Variants in IPO11 observed in about 807,000 individuals in gnomAD.
The protein encoded by IPO11 is importin-11.
IPO11 carries 66 observed loss-of-function variants against 143.2 expected under a neutral mutation model. The observed-to-expected ratio is 0.46, with a 90% CI of 0.38 to 0.57. IPO11 has a LOEUF of 0.57. Ranked by LOEUF, IPO11 falls within the 20% of genes least tolerant of loss-of-function variation. IPO11 has a pLI of 0.00. For missense variants in IPO11, 1,026 were observed against 1,141.0 expected, an observed-to-expected ratio of 0.90 and a Z score of 1.45; for synonymous variants, 385 against 377.8, an observed-to-expected ratio of 1.02 and a Z score of -0.22.
chr5:62,443,195 A>G (rs914865292), intron 3 of IPO11, 112 bp downstream of exon 3: 9 of 585,070 alleles, frequency 1.5e-5, no homozygotes, highest in Admixed American at 7.1e-5. Flanking sequence ...TCTGCAGCAC[A>G]TATACTAAAA....
At chr5:62,625,574 TTC>T (rs1395900274) in intron 29 of IPO11, among the ~76,000 whole-genome samples, 1 of 152,236 alleles carries the variant, frequency 6.6e-6, no homozygotes, top group Non-Finnish European at 1.5e-5. Flanking sequence ...ATGGAAATAC[TTC>T]TTAAATGATC....
intron 26 of IPO11, among the ~76,000 whole-genome samples, chr5:62,559,941 A>AG (rs1409057230): frequency 6.7e-5 from 8 of 119,270 alleles, no homozygotes; most frequent in Admixed American, 1.7e-4. Context: ...AAAAAAAAAA[A>AG]AGAGAGAGAA....
At position 62,580,928 on chromosome 5, in the gene IPO11, A is replaced by T. The variant is rs1478280693; in HGVS notation, c.2583-10649A>T. The T allele has an allele frequency of 3.0e-5, 47 of 1,551,134 alleles. No individual in the cohort carries two copies. Among genetic ancestry groups the T allele is most frequent in the Non-Finnish European group, 3.5e-5 (40 of 1,146,764 alleles). ...ACTACTTCTGTTACCTTGAACTTGGAAAAAAACAGTGCTCTACCGAATGAT... is the reference window on the plus strand; with the variant it reads ...ACTACTTCTGTTACCTTGAACTTGGTAAAAAACAGTGCTCTACCGAATGAT... On this transcript the variant is annotated intron_variant, in intron 27 of 29. Coordinates refer to ENST00000325324, the MANE Select transcript of IPO11 (RefSeq NM_016338.5).
At chr5:62,561,506 T>C (rs1242518424) in intron 27 of IPO11, among the ~76,000 whole-genome samples, 2 of 152,056 alleles carry the variant, frequency 1.3e-5, no homozygotes, top group Non-Finnish European at 2.9e-5. Context: ...TTTATTTCAT[T>C]CTTGTCTGAA....
chr5:62,535,051 ATTTG>A (rs1410306078), intron 22 of IPO11, among the ~76,000 whole-genome samples: 1 of 150,042 alleles, frequency 6.7e-6, no homozygotes, highest in African/African-American at 2.5e-5. Flanking sequence ...TTATTTATTT[ATTTG>A]ATGATGATAA....
At chr5:62,607,034 T>C (rs919750820) in intron 29 of IPO11, among the ~76,000 whole-genome samples, 3 of 152,222 alleles carry the variant, frequency 2.0e-5, no homozygotes, top group African/African-American at 7.2e-5. Context: ...AATACTGTAC[T>C]GGCTCAAGGA....
intron 2 of IPO11, among the ~76,000 whole-genome samples, chr5:62,440,176 A>G (rs1480087102): frequency 2.0e-5 from 3 of 152,292 alleles, no homozygotes; most frequent in South Asian, 2.1e-4. Flanking sequence ...AATGTGATTA[A>G]TGTGGTAAAA....
intron 27 of IPO11, among the ~76,000 whole-genome samples, chr5:62,574,216 C>T (rs1423763300): frequency 6.6e-6 from 1 of 152,102 alleles, no homozygotes; most frequent in Non-Finnish European, 1.5e-5. Context: ...AATAATTTCA[C>T]AAAGGTTATT....
chr5:62,621,879 T>TA (rs913808965), intron 29 of IPO11, among the ~76,000 whole-genome samples: 67 of 147,506 alleles, frequency 4.5e-4, no homozygotes, highest in Admixed American at 1.0e-3. Flanking sequence ...AAACAATGAT[T>TA]AAAAAAAAAA....
At chr5:62,443,668 G>C (rs1295629351) in intron 3 of IPO11, among the ~76,000 whole-genome samples, 1 of 151,916 alleles carries the variant, frequency 6.6e-6, no homozygotes, top group African/African-American at 2.4e-5. Flanking sequence ...GAAATCCCAG[G>C]TCAACTCTGA....
intron 16 of IPO11, among the ~76,000 whole-genome samples, chr5:62,501,238 A>G (rs188318617): frequency 1.3e-5 from 2 of 151,554 alleles, no homozygotes; most frequent in East Asian, 3.9e-4. Context: ...TTTTCTATTT[A>G]CCTATCCTTT....
chr5:62,553,080 T>A (rs1404268026), intron 26 of IPO11, among the ~76,000 whole-genome samples: 1 of 152,192 alleles, frequency 6.6e-6, no homozygotes, highest in Non-Finnish European at 1.5e-5. Context: ...GATTTTTTTA[T>A]CTTTTAACCA....
chr5:62,580,586 T>G, intron 27 of IPO11: 1 of 1,551,458 alleles, frequency 6.4e-7, no homozygotes, highest in Non-Finnish European at 8.7e-7. Context: ...ACTCTAAACA[T>G]CTATTGTCAG....
intron 29 of IPO11, among the ~76,000 whole-genome samples, chr5:62,613,964 TTTAA>T (rs1455178051): frequency 1.3e-5 from 2 of 152,190 alleles, no homozygotes; most frequent in African/African-American, 2.4e-5. Context: ...TCCTAGCCAC[TTTAA>T]TTAATTTTTG....
intron 1 of IPO11, among the ~76,000 whole-genome samples, chr5:62,416,382 A>G (rs1294871108): frequency 1.3e-5 from 2 of 151,216 alleles, no homozygotes; most frequent in South Asian, 2.1e-4. Context: ...GGGTTTCACC[A>G]TGTTGTCCAG....
intron 3 of IPO11, among the ~76,000 whole-genome samples, chr5:62,444,077 T>G (rs1475188787): frequency 1.3e-5 from 2 of 151,846 alleles, no homozygotes; most frequent in Admixed American, 1.3e-4. Context: ...TATTACGGTT[T>G]AAAGCAGACA....
chr5:62,475,569 C>T (rs979893140), intron 8 of IPO11, among the ~76,000 whole-genome samples: 5 of 152,168 alleles, frequency 3.3e-5, no homozygotes, highest in Non-Finnish European at 5.9e-5. Context: ...TGCAGCTACC[C>T]CTTTCCAGGC....
In IPO11 at chr5:62,627,377, C is replaced by A; in HGVS notation, c.*59C>A. On this transcript the variant is annotated 3_prime_UTR_variant, in exon 30 of 30. Transcript: ENST00000325324. The stretch of plus-strand genomic sequence containing the variant: ...AAACAAGCTGAGTAACCCAGCCTGC[C>A]GTTTGTATGTGAGAGCCTGCTGAGA... The A allele has an allele frequency of 6.6e-7, 1 of 1,516,194 alleles. No individual in the cohort carries two copies. The highest frequency in any genetic ancestry group is 1.3e-5 in the South Asian group (1 of 79,176). 93.9% of individuals were successfully genotyped at this position (1,516,194 alleles called of 1,614,324 possible).
Position 62,427,533 on chromosome 5 carries a change from A to T in IPO11, c.-6-9741A>T, listed in dbSNP as rs576405352. On this transcript the variant is annotated intron_variant, in intron 1 of 29. Transcript: ENST00000325324. Reference sequence around the variant, plus strand: ...GCTAGGAACTGGGCCACACTGCAGGAGGTGAGCAGTGGGTGGAGAGTGAGC... The same window carrying T: ...GCTAGGAACTGGGCCACACTGCAGGTGGTGAGCAGTGGGTGGAGAGTGAGC... Among the ~76,000 whole-genome samples, 352 of 152,332 alleles carry T rather than the reference A, an allele frequency of 2.3e-3. 2 individuals are homozygous for T. Among genetic ancestry groups the T allele is most frequent in the Middle Eastern group, 6.8e-3 (2 of 294 alleles).
Sources: gnomAD v4.1 joint callset for allele counts (sites outside exome capture counted in the v4.1 genomes callset) on GRCh38, gnomAD v4.1.1 for gene constraint, MANE v1.5 for transcripts, NCBI Gene and HGNC (gene_info 2026-07-23, HGNC 2026-07-21) for gene names.